The following NF1 variants were observed in gnomAD, a reference collection of about 807,000 sequenced individuals.
NF1 encodes neurofibromin.
In NF1, 122 loss-of-function variants were observed where a neutral mutation model predicts 325.7. The observed-to-expected ratio is 0.37, with a 90% confidence interval of 0.32 to 0.44. NF1 has a LOEUF of 0.44. Among genes scored for constraint, NF1 ranks in the 20% least tolerant of loss-of-function variants. NF1 has a pLI of 1.00. For synonymous variants in NF1, 1,091 were observed against 1,186.0 expected (o/e 0.92, Z 1.65); for missense variants, 2,140 against 3,415.4 (o/e 0.63, Z 9.31).
At chr17:31,225,804 A>G (rs1328238833) in intron 17 of NF1, among the ~76,000 whole-genome samples, 2 of 152,158 alleles carry the variant, frequency 1.3e-5, no homozygotes, top group Non-Finnish European at 2.9e-5. Flanking sequence ...TTTTAATGCA[A>G]CCTTGTTAAG....
chr17:31,343,184 CA>C (rs779021000), intron 48 of NF1, 49 bp downstream of exon 48: 5 of 1,499,052 alleles, frequency 3.3e-6, no homozygotes, highest in African/African-American at 2.8e-5. Context: ...ATTAAGAAAC[CA>C]GAAGTAATTT....
intron 8 of NF1, among the ~76,000 whole-genome samples, chr17:31,186,773 A>C (rs2066247327): frequency 6.6e-6 from 1 of 152,204 alleles, no homozygotes; most frequent in Non-Finnish European, 1.5e-5. Context: ...CAATGGGCCC[A>C]TGAACAAAGT....
intron 36 of NF1, 31 bp from the exon 37 acceptor site, chr17:31,325,789 T>A (rs1458258111): frequency 1.3e-6 from 2 of 1,561,444 alleles, no homozygotes; most frequent in East Asian, 4.5e-5. Context: ...ACACTGCTAA[T>A]AATCTTTGTC....
intron 36 of NF1, among the ~76,000 whole-genome samples, chr17:31,273,072 G>C (rs1053666536): frequency 3.9e-5 from 6 of 152,100 alleles, no homozygotes; most frequent in Admixed American, 3.9e-4. Flanking sequence ...TAAATATGGG[G>C]GCTTGAGATC....
chr17:31,222,986 A>G lies in NF1; in HGVS notation c.1722-458A>G, dbSNP rs149220820. ...TTCAGTTCTGCCTTTGGAGCATGAA[A>G]GTGGCCACAGACATGTGAATGAACG... On this transcript the variant is annotated intron_variant, in intron 15 of 57. Transcript: ENST00000358273. 3.3e-3 allele frequency among the ~76,000 whole-genome samples: 503 copies of G among 152,326 alleles called. 8 individuals are homozygous for G. The highest frequency in any genetic ancestry group is 0.011 in the African/African-American group (475 of 41,574).
rs1210007078 is a variant in NF1, at chr17:31,223,428, C to CT, written c.1722-13dup. 1 of 1,609,976 alleles carries CT rather than the reference C, an allele frequency of 6.2e-7. No homozygotes were observed. The highest frequency in any genetic ancestry group is 8.5e-7 in the Non-Finnish European group (1 of 1,178,038). On this transcript the variant is annotated splice_polypyrimidine_tract_variant and intron_variant, in intron 15 of 57. Coordinates refer to ENST00000358273, the MANE Select transcript of NF1 (RefSeq NM_001042492.3). The stretch of plus-strand genomic sequence containing the variant: ...TATTGATGATGCTAGTAACAATGAA[C>CT]TTTATGTTACTGCAGCTCACAAATG...
intron 46 of NF1, among the ~76,000 whole-genome samples, chr17:31,339,212 A>G (rs2151559925): frequency 6.6e-6 from 1 of 152,296 alleles, no homozygotes; most frequent in East Asian, 1.9e-4. Context: ...GTGAATGGAT[A>G]ATGAAGTAAA....
Position 31,375,275 on chromosome 17 carries a change from C to T in NF1, c.*1120C>T, listed in dbSNP as rs2070716094. 1 of 227,380 alleles carries T rather than the reference C, an allele frequency of 4.4e-6. No homozygotes were observed. 14.1% of individuals were successfully genotyped at this position (227,380 alleles called of 1,614,324 possible). On this transcript the variant is annotated 3_prime_UTR_variant, in exon 58 of 58. Transcript: ENST00000358273. ...TGTATTTTGAATGTCTTTTAATCTT[C>T]CTCCTCCTCTCCAAAAAAATCAGAA...
intron 38 of NF1, among the ~76,000 whole-genome samples, chr17:31,328,789 T>A (rs1255916962): frequency 6.6e-6 from 1 of 152,170 alleles, no homozygotes; most frequent in Non-Finnish European, 1.5e-5. Flanking sequence ...GGATTCCAAA[T>A]TCTCCTTTAC....
chr17:31,305,705 TATG>T (rs1212405700), intron 36 of NF1: 1 of 1,291,434 alleles, frequency 7.7e-7, no homozygotes, highest in African/African-American at 1.5e-5. Flanking sequence ...GACTTTTCAT[TATG>T]ATTCCTGGCA....
chr17:31,304,145 G>C (rs1232195598), intron 36 of NF1: 1 of 1,052,880 alleles, frequency 9.5e-7, no homozygotes, highest in Non-Finnish European at 1.4e-6. Context: ...GCAGATTTCA[G>C]ATAGTTCCTG....
intron 20 of NF1, 63 bp from the exon 21 acceptor site, chr17:31,228,962 A>C: frequency 7.6e-7 from 1 of 1,310,314 alleles, no homozygotes. Context: ...GATAAAGCAT[A>C]ATTTGTCAAG....
At chr17:31,124,751 C>T (rs1914730191) in intron 1 of NF1, among the ~76,000 whole-genome samples, 4 of 151,474 alleles carry the variant, frequency 2.6e-5, no homozygotes, top group Admixed American at 1.3e-4. Context: ...AGGTGCCTGC[C>T]ACCATGCGGG....
At position 31,193,054 on chromosome 17, in the gene NF1, C is replaced by T. The variant is rs151145476; in HGVS notation, c.889-7368C>T. On this transcript the variant is annotated intron_variant, in intron 8 of 57. Transcript: ENST00000358273. Reference sequence around the variant, plus strand: ...TGCAAAGGGTTAAATGTATATTCTTCCAGTCTAGCTTTTATATTTTTATGA... The same window carrying T: ...TGCAAAGGGTTAAATGTATATTCTTTCAGTCTAGCTTTTATATTTTTATGA... Among the ~76,000 whole-genome samples the T allele has an allele frequency of 2.4e-3, 360 of 152,228 alleles. 1 individual carries two copies. In the South Asian group the frequency reaches 0.028, roughly 12 times the overall value.
chr17:31,222,222 T>TG, intron 15 of NF1: 1 of 1,092,628 alleles, frequency 9.2e-7, no homozygotes, highest in South Asian at 4.3e-5. Context: ...GTTACTACTG[T>TG]ATTTTTAATA....
chr17:31,265,195 A>G (rs1485364707), intron 35 of NF1, 34 bp from the exon 36 acceptor site: 1 of 1,420,518 alleles, frequency 7.0e-7, no homozygotes, highest in East Asian at 2.3e-5. Context: ...AGACAACATA[A>G]AGCCTCATAA....
chr17:31,095,131 C>G lies in NF1; in HGVS notation c.-179C>G, dbSNP rs1911523254. 1 of 413,078 alleles carries G rather than the reference C, an allele frequency of 2.4e-6. No homozygotes were observed. Among genetic ancestry groups the G allele is most frequent in the Non-Finnish European group, 4.5e-6 (1 of 224,238 alleles). 25.6% of individuals were successfully genotyped at this position (413,078 alleles called of 1,614,324 possible). A position where few individuals can be genotyped will look rare whatever the true frequency, so the allele number is the denominator to read the frequency against. On this transcript the variant is annotated 5_prime_UTR_variant, in exon 1 of 58. Coordinates refer to ENST00000358273, the MANE Select transcript of NF1 (RefSeq NM_001042492.3). The stretch of plus-strand genomic sequence containing the variant: ...CTCCTTGCCAACGCCCCCTTTCCCT[C>G]TCCCCCTCCCGCTCGGCGCTGACCC...
At position 31,336,269 on chromosome 17, in the gene NF1, T is replaced by C; in HGVS notation, c.6007-64T>C. On this transcript the variant is annotated intron_variant, in intron 40 of 57. Coordinates refer to ENST00000358273, the MANE Select transcript of NF1 (RefSeq NM_001042492.3). The surrounding 1 kb of genome is among the most constrained non-coding windows in gnomAD (Gnocchi z 5.5). ...ATTGATTAGGCTGTTCCAATGAATA[T>C]TTTTTAATTAAAAATTAAATTGGTA... is the stretch of plus-strand genomic sequence containing the variant. 1 of 1,549,238 alleles carries C rather than the reference T, an allele frequency of 6.5e-7. No homozygotes were observed. The highest frequency in any genetic ancestry group is 8.8e-7 in the Non-Finnish European group (1 of 1,132,074).
chr17:31,226,346 C>CAG (rs1241744231), intron 17 of NF1, 89 bp from the exon 18 acceptor site: 1 of 1,495,782 alleles, frequency 6.7e-7, no homozygotes, highest in Non-Finnish European at 9.1e-7. Flanking sequence ...CACACACACA[C>CAG]ACACACACAC....
Sources: gnomAD v4.1 joint callset for allele counts (sites outside exome capture counted in the v4.1 genomes callset) on GRCh38, gnomAD v4.1.1 for gene constraint, Gnocchi (gnomAD v3.1) non-coding constraint, MANE v1.5 for transcripts, NCBI Gene and HGNC (gene_info 2026-07-23, HGNC 2026-07-21) for gene names.